The following SCN1A variants were observed in gnomAD, a reference collection of about 807,000 sequenced individuals.
SCN1A encodes the protein sodium channel protein type 1 subunit alpha.
In SCN1A, 13 loss-of-function variants were observed where a neutral mutation model predicts 193.7. That is an observed-to-expected ratio of 0.07 (90% CI 0.04 to 0.11). SCN1A has a LOEUF of 0.11. Among genes scored for constraint, SCN1A ranks in the 10% least tolerant of loss-of-function variants. The pLI, the probability that SCN1A is intolerant of heterozygous loss-of-function variation, is 1.00. For missense variants in SCN1A, 1,432 were observed against 2,451.1 expected, an observed-to-expected ratio of 0.58 and a Z score of 8.78; for synonymous variants, 781 against 843.6, an observed-to-expected ratio of 0.93 and a Z score of 1.29.
At chr2:166,001,034 G>T (rs1690756987) in intron 24 of SCN1A, among the ~76,000 whole-genome samples, 1 of 151,616 alleles carries the variant, frequency 6.6e-6, no homozygotes, top group Non-Finnish European at 1.5e-5. Context: ...GGAGGTGGTT[G>T]CTTTAGTGAT....
intron 23 of SCN1A, among the ~76,000 whole-genome samples, chr2:166,005,589 G>T (rs1438659705): frequency 6.6e-6 from 1 of 151,324 alleles, no homozygotes; most frequent in East Asian, 1.9e-4. Context: ...ATCTGGCACA[G>T]TATTGGGGAG....
chr2:166,014,673 T>A, intron 20 of SCN1A, among the ~76,000 whole-genome samples: 4 of 146,694 alleles, frequency 2.7e-5, no homozygotes, highest in African/African-American at 5.0e-5. Flanking sequence ...AAAGATATGT[T>A]TGAAGAAAAA....
intron 1 of SCN1A, among the ~76,000 whole-genome samples, chr2:166,127,246 C>T (rs752582612): frequency 3.3e-5 from 5 of 152,154 alleles, no homozygotes; most frequent in Non-Finnish European, 7.3e-5. Context: ...CATTTCTTCT[C>T]AAAAGCCCAG....
Position 166,002,627 on chromosome 2 carries a change from T to C in SCN1A, c.4129A>G (p.Ile1377Val), listed in dbSNP as rs762317674. 27 of 1,611,916 alleles carry C rather than the reference T, an allele frequency of 1.7e-5. No individual in the cohort carries two copies. The African/African-American group carries it at 3.1e-4, about 18-fold the overall frequency. The change falls in exon 24 of 29, where the codon ATT becomes GTT. Residue 1377 changes from isoleucine (I) to valine (V), a missense_variant. Ile to Val is a conservative substitution (Grantham distance 29). Coordinates refer to ENST00000674923, the MANE Select transcript of SCN1A (RefSeq NM_001165963.4). ...AACCTGTCACCAGTTGTGGTGTTAA[T>C]ACAGTGGTAGAATTTGCCAGCAAAC... ...NLFAGKFYHC[I>V]NTTTGDRFDI...
At chr2:166,034,520 G>A (rs887435629) in intron 19 of SCN1A, among the ~76,000 whole-genome samples, 3 of 152,184 alleles carry the variant, frequency 2.0e-5, no homozygotes, top group Non-Finnish European at 2.9e-5. Context: ...CAGCCTAAAA[G>A]ATGGGCACCC....
chr2:166,036,849 A>G (rs1177364071), intron 18 of SCN1A, among the ~76,000 whole-genome samples: 1 of 152,202 alleles, frequency 6.6e-6, no homozygotes, highest in Non-Finnish European at 1.5e-5. Context: ...TGTGTACAAT[A>G]CGAGAATTCT....
intron 11 of SCN1A, 22 bp downstream of exon 11, chr2:166,047,605 A>G (rs201479260): frequency 2.0e-5 from 33 of 1,612,430 alleles, no homozygotes; most frequent in Non-Finnish European, 2.8e-5. Flanking sequence ...TTAAATGGAG[A>G]GTGTGGCTCT....
At chr2:166,001,880 T>TC (rs71031221) in intron 24 of SCN1A, among the ~76,000 whole-genome samples, 5,600 of 23,564 alleles carry the variant, frequency 0.24, 240 homozygotes, top group Middle Eastern at 0.32. Context: ...ATTCTCTCTC[T>TC]TTTTTTTTTT....
rs534864670 is a variant in SCN1A, at chr2:166,039,110, G to T, written c.2589+313C>A. 3.3e-5 allele frequency among the ~76,000 whole-genome samples: 5 copies of T among 152,244 alleles called. No individual in the cohort carries two copies. In the East Asian group the frequency reaches 9.6e-4, roughly 29 times the overall value. On this transcript the variant is annotated intron_variant, in intron 17 of 28. Coordinates refer to ENST00000674923, the MANE Select transcript of SCN1A (RefSeq NM_001165963.4). ...TATATTTTCAAGTTACTATTAAAAG[G>T]TGATGCATTTTCATTAAAAATATTT...
chr2:166,036,784 A>C (rs1389143441), intron 18 of SCN1A, among the ~76,000 whole-genome samples: 1 of 152,206 alleles, frequency 6.6e-6, no homozygotes, highest in Non-Finnish European at 1.5e-5. Context: ...TGAATGAGCT[A>C]ATCTAAGGTT....
intron 2 of SCN1A, among the ~76,000 whole-genome samples, chr2:166,102,066 A>G (rs1340444975): frequency 1.3e-5 from 2 of 152,228 alleles, no homozygotes; most frequent in Non-Finnish European, 2.9e-5. Flanking sequence ...CAAAGAATTA[A>G]AAAGACAGTT....
chr2:166,024,463 A>G (rs528202719), intron 19 of SCN1A, among the ~76,000 whole-genome samples: 21 of 152,310 alleles, frequency 1.4e-4, no homozygotes, highest in Admixed American at 4.6e-4. Context: ...CTTCATCAGC[A>G]TAATGCATTA....
chr2:166,114,570 T>C (rs1196633311), intron 2 of SCN1A, among the ~76,000 whole-genome samples: 1 of 152,204 alleles, frequency 6.6e-6, no homozygotes, highest in Non-Finnish European at 1.5e-5. Context: ...ACCCTAAGTT[T>C]TGGGATCTGT....
At chr2:166,068,344 AGAGACAGG>A (rs1684061254) in intron 4 of SCN1A, among the ~76,000 whole-genome samples, 1 of 152,190 alleles carries the variant, frequency 6.6e-6, no homozygotes, top group Non-Finnish European at 1.5e-5. Flanking sequence ...TTTCTGAGAC[AGAGACAGG>A]GAGGTGACAA....
intron 2 of SCN1A, among the ~76,000 whole-genome samples, chr2:166,081,146 A>G (rs1685480712): frequency 6.6e-6 from 1 of 151,936 alleles, no homozygotes; most frequent in Non-Finnish European, 1.5e-5. Flanking sequence ...GTGGTAAACC[A>G]TATGGCTTTG....
chr2:166,024,938 G>A (rs1694551672), intron 19 of SCN1A, among the ~76,000 whole-genome samples: 1 of 152,230 alleles, frequency 6.6e-6, no homozygotes, highest in Admixed American at 6.5e-5. Flanking sequence ...ACAGGAGTGA[G>A]CCACGGTGCT....
In SCN1A at chr2:166,007,569, A is replaced by T. The variant is rs569906674; in HGVS notation, c.4002+2150T>A. 4.0e-5 allele frequency among the ~76,000 whole-genome samples: 6 copies of T among 151,398 alleles called. No individual in the cohort carries two copies. Among genetic ancestry groups the T allele is most frequent in the Non-Finnish European group, 5.9e-5 (4 of 67,522 alleles). On this transcript the variant is annotated intron_variant, in intron 23 of 28. Coordinates refer to ENST00000674923, the MANE Select transcript of SCN1A (RefSeq NM_001165963.4). Reference sequence around the variant, plus strand: ...ATTTGGACTGGAAATTTGAAATACAATAAATGTTTAAAAGCTGTCAGCCAG... The same window carrying T: ...ATTTGGACTGGAAATTTGAAATACATTAAATGTTTAAAAGCTGTCAGCCAG...
chr2:166,047,484 AT>A, intron 11 of SCN1A, 142 bp downstream of exon 11: 1 of 928,682 alleles, frequency 1.1e-6, no homozygotes, highest in Admixed American at 1.8e-5. Flanking sequence ...AGTATGTGTT[AT>A]AATCAATAGG....
rs1360207693 is a variant in SCN1A at position 165,988,260 on chromosome 2, A to G, written c.*2985T>C. On this transcript the variant is annotated 3_prime_UTR_variant, in exon 29 of 29. Coordinates refer to ENST00000674923, the MANE Select transcript of SCN1A (RefSeq NM_001165963.4). Reference sequence around the variant, plus strand: ...AAAAGTTAGCAAGATTAAGACCCCAAGCTGAAGCAAGGCACATCTTTGCTT... The same window carrying G: ...AAAAGTTAGCAAGATTAAGACCCCAGGCTGAAGCAAGGCACATCTTTGCTT... The G allele has an allele frequency of 1.3e-5, 2 of 152,090 alleles. No homozygotes were observed. The highest frequency in any genetic ancestry group is 2.9e-5 in the Non-Finnish European group (2 of 68,038). 9.4% of individuals were successfully genotyped at this position (152,090 alleles called of 1,614,324 possible).
Sources: allele counts gnomAD v4.1 joint callset (sites outside exome capture counted in the v4.1 genomes callset), GRCh38; gene constraint gnomAD v4.1.1; transcripts MANE v1.5; gene names NCBI Gene and HGNC (gene_info 2026-07-23, HGNC 2026-07-21).